Variants in TMX3 observed in about 807,000 individuals in gnomAD.
TMX3 encodes the protein protein disulfide-isomerase TMX3.
TMX3 carries 40 observed loss-of-function variants against 64.4 expected under a neutral mutation model. That is an observed-to-expected ratio of 0.62 (90% CI 0.48 to 0.81). The LOEUF is 0.81. Among genes scored for constraint, TMX3 ranks in the 30% least tolerant of loss-of-function variants. The pLI is 0.00. For missense variants in TMX3, 497 were observed against 534.5 expected, an observed-to-expected ratio of 0.93 and a Z score of 0.69; for synonymous variants, 189 against 175.7, an observed-to-expected ratio of 1.08 and a Z score of -0.60.
rs367562507 is a variant in TMX3, at chr18:68,684,238, T to A, written c.800A>T (p.Lys267Met). Residue 267 changes from lysine to methionine, a missense_variant, in exon 12 of 16, where the codon AAG becomes ATG. Coordinates refer to ENST00000299608, the MANE Select transcript of TMX3 (RefSeq NM_019022.5). ...TCTTGCAACTTCCTGAATAATTGACTTCAATCTGTAGAAGAACAAACATAT... is the reference window on the plus strand; with the variant it reads ...TCTTGCAACTTCCTGAATAATTGACATCAATCTGTAGAAGAACAAACATAT... ...KNTSVEHTRLKSIIQEVARDY... is the reference protein window; with the variant it reads ...KNTSVEHTRLMSIIQEVARDY... 49 of 1,611,494 alleles carry A rather than the reference T, an allele frequency of 3.0e-5. 1 individual carries two copies. Among genetic ancestry groups the A allele is most frequent in the Non-Finnish European group, 4.1e-5 (48 of 1,178,284 alleles).
At chr18:68,697,426 T>G (rs879614192) in intron 7 of TMX3, 123 bp from the exon 8 acceptor site, 6 of 468,434 alleles carry the variant, frequency 1.3e-5, no homozygotes, top group Non-Finnish European at 2.3e-5. Flanking sequence ...CTACCTTACA[T>G]CCTCTTAGGT....
chr18:68,711,445 C>A (rs1323804820), intron 2 of TMX3, 42 bp from the exon 3 acceptor site: 3 of 1,456,842 alleles, frequency 2.1e-6, no homozygotes, highest in Admixed American at 1.8e-5. Flanking sequence ...ATGTTTGTGT[C>A]CACTTTACAA....
At chr18:68,711,198 A>C (rs2031236041) in intron 3 of TMX3, among the ~76,000 whole-genome samples, 166 bp downstream of exon 3, 1 of 151,318 alleles carries the variant, frequency 6.6e-6, no homozygotes, top group Admixed American at 6.6e-5. Context: ...TAAAACTCTA[A>C]GGTTCTTTTT....
intron 4 of TMX3, among the ~76,000 whole-genome samples, chr18:68,709,725 T>C (rs559887766): frequency 6.6e-6 from 1 of 152,116 alleles, no homozygotes; most frequent in Non-Finnish European, 1.5e-5. Flanking sequence ...TGAACTCAAG[T>C]AGCAATATCA....
At chr18:68,683,637 C>G (rs1913661976) in intron 12 of TMX3, among the ~76,000 whole-genome samples, 1 of 152,148 alleles carries the variant, frequency 6.6e-6, no homozygotes, top group South Asian at 2.1e-4. Context: ...TATCAAGAAG[C>G]AGGTATGATA....
chr18:68,682,853 T>G, intron 13 of TMX3, 72 bp downstream of exon 13: 1 of 1,365,554 alleles, frequency 7.3e-7, no homozygotes, highest in South Asian at 1.3e-5. Flanking sequence ...ATTTAATCCT[T>G]CTACCTGTAT....
At chr18:68,684,520 C>T (rs370113805) in intron 10 of TMX3, 35 bp from the exon 11 acceptor site, 1 of 1,570,124 alleles carries the variant, frequency 6.4e-7, no homozygotes, top group Non-Finnish European at 8.7e-7. Context: ...AATTCAATCA[C>T]CCTTATTACA....
Position 68,679,534 on chromosome 18 carries a change from T to C in TMX3, c.1036-3A>G. 6.2e-7 allele frequency: 1 copy of C among 1,607,746 alleles called. No individual in the cohort carries two copies. The highest frequency in any genetic ancestry group is 8.5e-7 in the Non-Finnish European group (1 of 1,177,708). ...AAAATGCTATCACCTCCTTGGGCCTTCAAAAAAGGAAAAGAAAAATAAATT... is the reference window on the plus strand; with the variant it reads ...AAAATGCTATCACCTCCTTGGGCCTCCAAAAAAGGAAAAGAAAAATAAATT... On this transcript the variant is annotated splice_polypyrimidine_tract_variant and splice_region_variant and intron_variant, in intron 14 of 15. Coordinates refer to ENST00000299608, the MANE Select transcript of TMX3 (RefSeq NM_019022.5).
intron 4 of TMX3, 61 bp downstream of exon 4, chr18:68,709,960 T>C (rs1713918419): frequency 1.3e-6 from 2 of 1,482,132 alleles, no homozygotes; most frequent in Non-Finnish European, 1.8e-6. Context: ...CCCTGAATAC[T>C]GTTGCATATA....
Position 68,713,859 on chromosome 18 carries a change from C to T in TMX3, c.88G>A (p.Asp30Asn). ...DMVVCKGFVE[D>N]LDESFKENRN... ...ATGTATACTCACGATTCATCTAAAT[C>T]TTCTACAAATCCTTTACAGACGACC... The change falls in exon 2 of 16, where the codon GAT (aspartate) becomes AAT (asparagine). Residue 30 changes from aspartate to asparagine, a missense_variant. Transcript: ENST00000299608. 1 of 1,562,576 alleles carries T rather than the reference C, an allele frequency of 6.4e-7. No homozygotes were observed. Among genetic ancestry groups the T allele is most frequent in the African/African-American group, 1.4e-5 (1 of 73,188 alleles).
rs920464844 is a variant in TMX3 at position 68,673,688 on chromosome 18, T to C, written c.*3245A>G. On this transcript the variant is annotated 3_prime_UTR_variant, in exon 16 of 16. Coordinates refer to ENST00000299608, the MANE Select transcript of TMX3 (RefSeq NM_019022.5). Reference sequence around the variant, plus strand: ...GATACACAGTAAAAATAAGAAACAATTGCAGGTTTTCAATTACTTTATTTT... The same window carrying C: ...GATACACAGTAAAAATAAGAAACAACTGCAGGTTTTCAATTACTTTATTTT... 4 of 152,160 alleles carry C rather than the reference T, an allele frequency of 2.6e-5. No homozygotes were observed. Among genetic ancestry groups the C allele is most frequent in the African/African-American group, 9.7e-5 (4 of 41,428 alleles). 9.4% of individuals were successfully genotyped at this position (152,160 alleles called of 1,614,324 possible).
At chr18:68,693,861 C>T (rs1050019183) in intron 8 of TMX3, among the ~76,000 whole-genome samples, 8 of 152,196 alleles carry the variant, frequency 5.3e-5, no homozygotes, top group Non-Finnish European at 1.0e-4. Flanking sequence ...ACCATTCAGC[C>T]AAGTGGATCG....
In TMX3 at chr18:68,703,551, C is replaced by A. The variant is rs187752236; in HGVS notation, c.266-1761G>T. 4.8e-4 allele frequency among the ~76,000 whole-genome samples: 73 copies of A among 152,318 alleles called. 1 individual carries two copies. Among genetic ancestry groups the A allele is most frequent in the Non-Finnish European group, 4.0e-4 (27 of 68,036 alleles). On this transcript the variant is annotated intron_variant, in intron 4 of 15. Transcript: ENST00000299608. ...GAGACAATGGAGATCTATCACCCAA[C>A]CCACATCCCTTGGCTTCTTGACAGT...
intron 10 of TMX3, chr18:68,687,120 T>C: frequency 1.0e-6 from 1 of 984,342 alleles, no homozygotes; most frequent in Non-Finnish European, 1.2e-6. Context: ...GCTATAAATT[T>C]ATAAAACACT....
chr18:68,683,725 C>T (rs527364631), intron 12 of TMX3, among the ~76,000 whole-genome samples: 21 of 152,080 alleles, frequency 1.4e-4, no homozygotes, highest in African/African-American at 3.4e-4. Flanking sequence ...AGACAATTCA[C>T]GCTAAAATGC....
At chr18:68,691,657 C>T (rs973526433) in intron 8 of TMX3, among the ~76,000 whole-genome samples, 3 of 152,174 alleles carry the variant, frequency 2.0e-5, no homozygotes, top group African/African-American at 2.4e-5. Context: ...AGTCCTTCCC[C>T]ACCACTCACT....
At position 68,700,859 on chromosome 18, in the gene TMX3, T is replaced by C. The variant is rs1883705459; in HGVS notation, c.312-374A>G. 6 of 983,328 alleles carry C rather than the reference T, an allele frequency of 6.1e-6. No individual in the cohort carries two copies. The South Asian group carries it at 1.9e-4, about 31-fold the overall frequency. 60.9% of individuals were successfully genotyped at this position (983,328 alleles called of 1,614,324 possible). A position where few individuals can be genotyped will look rare whatever the true frequency, so the allele number is the denominator to read the frequency against. Reference sequence around the variant, plus strand: ...TGAAAGGACAGGGAAATAAGAGTATTTTAGAAGAGGCAAAACAAATGTTAA... The same window carrying C: ...TGAAAGGACAGGGAAATAAGAGTATCTTAGAAGAGGCAAAACAAATGTTAA... On this transcript the variant is annotated intron_variant, in intron 5 of 15. Transcript: ENST00000299608.
At chr18:68,708,506 T>C (rs1272630089) in intron 4 of TMX3, among the ~76,000 whole-genome samples, 1 of 152,184 alleles carries the variant, frequency 6.6e-6, no homozygotes. Flanking sequence ...TCTGTGATTT[T>C]AGTATGGGAC....
intron 14 of TMX3, 41 bp downstream of exon 14, chr18:68,680,940 C>G: frequency 6.6e-7 from 1 of 1,517,116 alleles, no homozygotes; most frequent in South Asian, 1.4e-5. Flanking sequence ...CTCCTCTACC[C>G]CCTGTCCATC....
Sources: allele counts gnomAD v4.1 joint callset (sites outside exome capture counted in the v4.1 genomes callset), GRCh38; gene constraint gnomAD v4.1.1; transcripts MANE v1.5; gene names NCBI Gene and HGNC (gene_info 2026-07-23, HGNC 2026-07-21).